Variants in MELK observed in about 807,000 individuals in gnomAD.
MELK encodes maternal embryonic leucine zipper kinase.
A neutral mutation model predicts 85.0 loss-of-function variants in MELK; 81 were observed. The observed-to-expected ratio is 0.95, with a 90% CI of 0.80 to 1.15. The LOEUF (loss-of-function observed/expected upper bound fraction) is 1.15. MELK is among the 50% of genes most tolerant of loss of function. The pLI is 0.00. For synonymous variants in MELK, 252 were observed against 265.0 expected, an observed-to-expected ratio of 0.95 and a Z score of 0.48; for missense variants, 754 against 777.5, an observed-to-expected ratio of 0.97 and a Z score of 0.36.
intron 9 of MELK, among the ~76,000 whole-genome samples, chr9:36,630,698 G>A (rs1828482354): frequency 6.6e-6 from 1 of 152,212 alleles, no homozygotes; most frequent in African/African-American, 2.4e-5. Flanking sequence ...AAGACCCTCA[G>A]GTTGGAGTGC....
At chr9:36,588,823 T>G (rs1587343509) in intron 3 of MELK, among the ~76,000 whole-genome samples, 1 of 152,192 alleles carries the variant, frequency 6.6e-6, no homozygotes, top group East Asian at 1.9e-4. Flanking sequence ...CAGAAAAGAT[T>G]GGAGACTGAG....
chr9:36,636,786 G>GTCTTTCTGTCTTTCTGTCTT (rs1224635956), intron 10 of MELK, among the ~76,000 whole-genome samples: 4 of 50,646 alleles, frequency 7.9e-5, no homozygotes, highest in African/African-American at 2.0e-4. Context: ...CTTTCTTTCT[G>GTCTTTCTGTCTTTCTGTCTT]TCTGTCTTTC....
intron 11 of MELK, 118 bp from the exon 12 acceptor site, chr9:36,651,627 TA>T: frequency 8.2e-7 from 1 of 1,225,016 alleles, no homozygotes; most frequent in Non-Finnish European, 1.1e-6. Context: ...ATATGCTGTG[TA>T]AACCTATTGG....
At chr9:36,675,449 C>T (rs1477418524) in intron 17 of MELK, among the ~76,000 whole-genome samples, 1 of 152,180 alleles carries the variant, frequency 6.6e-6, no homozygotes, top group Non-Finnish European at 1.5e-5. Flanking sequence ...GATATTGTCC[C>T]ACTTTATTTC....
chr9:36,621,504 C>T (rs575758894), intron 8 of MELK, among the ~76,000 whole-genome samples: 1 of 152,072 alleles, frequency 6.6e-6, no homozygotes, highest in East Asian at 1.9e-4. Flanking sequence ...AACTAAAGCA[C>T]AGCAAGGTTA....
At chr9:36,597,397 C>A in intron 6 of MELK, 107 bp downstream of exon 6, 1 of 1,004,366 alleles carries the variant, frequency 1.0e-6, no homozygotes, top group Non-Finnish European at 1.5e-6. Flanking sequence ...TTGGTTGCAT[C>A]CATTGAGAAG....
chr9:36,631,833 T>C (rs969239186), intron 9 of MELK, among the ~76,000 whole-genome samples: 12 of 152,054 alleles, frequency 7.9e-5, no homozygotes, highest in South Asian at 4.1e-4. Flanking sequence ...TTCAGCAAAC[T>C]GTATTTTTTG....
At chr9:36,621,281 A>G (rs1405269524) in intron 8 of MELK, among the ~76,000 whole-genome samples, 58 of 58,412 alleles carry the variant, frequency 9.9e-4, no homozygotes, top group African/African-American at 4.9e-3. Flanking sequence ...CAGGGAAAAA[A>G]AAAAAAAAAA....
At chr9:36,629,574 T>G (rs1284403766) in intron 8 of MELK, among the ~76,000 whole-genome samples, 2 of 152,222 alleles carry the variant, frequency 1.3e-5, no homozygotes, top group African/African-American at 4.8e-5. Flanking sequence ...CCATAGCCTA[T>G]GTACTGTCAC....
intron 11 of MELK, among the ~76,000 whole-genome samples, chr9:36,648,616 C>T (rs1830430191): frequency 6.6e-6 from 1 of 152,188 alleles, no homozygotes; most frequent in Non-Finnish European, 1.5e-5. Context: ...AATTCCCTTC[C>T]CTATTCAACT....
chr9:36,668,939 A>G (rs918963996), intron 14 of MELK, among the ~76,000 whole-genome samples: 1 of 152,194 alleles, frequency 6.6e-6, no homozygotes, highest in African/African-American at 2.4e-5. Context: ...TTAAAAGCAT[A>G]AATTGGGCCC....
intron 14 of MELK, among the ~76,000 whole-genome samples, chr9:36,667,313 G>A (rs1292373437): frequency 1.3e-5 from 2 of 151,896 alleles, no homozygotes; most frequent in Non-Finnish European, 2.9e-5. Flanking sequence ...CTGCTACCAC[G>A]CTCAGCTAAT....
intron 10 of MELK, 26 bp downstream of exon 10, chr9:36,633,226 T>G (rs1828821801): frequency 7.1e-7 from 1 of 1,402,212 alleles, no homozygotes; most frequent in Non-Finnish European, 9.8e-7. Flanking sequence ...TCCAGTAGAA[T>G]TTTTTTTTGA....
At chr9:36,670,951 G>A in intron 15 of MELK, 47 bp from the exon 16 acceptor site, 1 of 1,554,374 alleles carries the variant, frequency 6.4e-7, no homozygotes, top group Non-Finnish European at 8.7e-7. Flanking sequence ...GACCCCACAG[G>A]CCGGAGGCCC....
At chr9:36,660,953 TAC>T (rs574006559) in intron 13 of MELK, among the ~76,000 whole-genome samples, 107 of 152,212 alleles carry the variant, frequency 7.0e-4, no homozygotes, top group African/African-American at 2.6e-3. Flanking sequence ...TTCACGCCAT[TAC>T]ACTCCAGCCT....
chr9:36,587,010 A>G (rs1484955573), intron 3 of MELK, among the ~76,000 whole-genome samples: 8 of 151,352 alleles, frequency 5.3e-5, no homozygotes, highest in Non-Finnish European at 1.2e-4. Flanking sequence ...CACCACGCCC[A>G]GCTAATTTTT....
intron 16 of MELK, 25 bp downstream of exon 16, chr9:36,671,191 A>G: frequency 3.2e-6 from 5 of 1,541,052 alleles, no homozygotes; most frequent in South Asian, 1.3e-5. Context: ...ATTCTTTCAT[A>G]TGGAGCAGAA....
intron 8 of MELK, among the ~76,000 whole-genome samples, chr9:36,615,834 G>A (rs1280212281): frequency 6.7e-6 from 1 of 148,224 alleles, no homozygotes; most frequent in Admixed American, 6.7e-5. Context: ...TCCTAGATGG[G>A]ATGGCGGCCG....
intron 7 of MELK, 33 bp from the exon 8 acceptor site, chr9:36,607,542 T>G: frequency 6.8e-7 from 1 of 1,461,708 alleles, no homozygotes; most frequent in African/African-American, 1.4e-5. Flanking sequence ...AATTTTTGTT[T>G]CAGTAATTTT....
Sources: allele counts gnomAD v4.1 joint callset (sites outside exome capture counted in the v4.1 genomes callset), GRCh38; gene constraint gnomAD v4.1.1; transcripts MANE v1.5; gene names NCBI Gene and HGNC (gene_info 2026-07-23, HGNC 2026-07-21).